RBM20: variants seen among roughly 807,000 people sequenced by gnomAD.
RBM20 encodes RNA binding motif protein 20, also known as RNA-binding protein 20.
RBM20 carries 51 observed loss-of-function variants against 110.1 expected under a neutral mutation model. The ratio of observed to expected loss-of-function variants is 0.46; its 90% CI spans 0.37 to 0.59. The LOEUF (loss-of-function observed/expected upper bound fraction) is 0.59. Among genes scored for constraint, RBM20 ranks in the 20% least tolerant of loss-of-function variants. The pLI is 0.00. For missense variants in RBM20, 1,512 were observed against 1,574.9 expected (o/e 0.96, Z 0.68); for synonymous variants, 589 against 618.2 (o/e 0.95, Z 0.70).
At chr10:110,820,411 A>G (rs561559846) in intron 10 of RBM20, among the ~76,000 whole-genome samples, 1 of 152,316 alleles carries the variant, frequency 6.6e-6, no homozygotes, top group South Asian at 2.1e-4. Flanking sequence ...ACTCTCCAGC[A>G]ATTTGGCTGT....
At chr10:110,670,927 A>G (rs1485789227) in intron 1 of RBM20, among the ~76,000 whole-genome samples, 1 of 152,204 alleles carries the variant, frequency 6.6e-6, no homozygotes, top group Non-Finnish European at 1.5e-5. Context: ...ATGGTTTTAC[A>G]TTCTATTTTC....
chr10:110,780,843 C>A lies in RBM20; in HGVS notation c.234C>A (p.Asn78Lys), dbSNP rs1844328307. ...LLDKNPFSVS[N>K]PNPLLPSPAS... The stretch of plus-strand genomic sequence containing the variant: ...ACAAGAACCCATTCTCGGTCAGTAA[C>A]CCGAACCCTCTGCTTCCTTCACCTG... The change falls in exon 2 of 14, where the codon AAC becomes AAA. Residue 78 changes from asparagine (N) to lysine (K), a missense_variant. Asn to Lys is a moderately conservative substitution (Grantham distance 94). Coordinates refer to ENST00000369519, the MANE Select transcript of RBM20 (RefSeq NM_001134363.3). 1 of 1,544,960 alleles carries A rather than the reference C, an allele frequency of 6.5e-7. No individual in the cohort carries two copies. Among genetic ancestry groups the A allele is most frequent in the African/African-American group, 1.4e-5 (1 of 72,914 alleles).
intron 1 of RBM20, among the ~76,000 whole-genome samples, chr10:110,772,411 C>T (rs1057152863): frequency 6.6e-6 from 1 of 152,134 alleles, no homozygotes; most frequent in Non-Finnish European, 1.5e-5. Context: ...AGTCGCGGGT[C>T]GCATAATGAT....
chr10:110,831,516 T>TATCCA, intron 13 of RBM20: 1 of 198,936 alleles, frequency 5.0e-6, no homozygotes, highest in South Asian at 1.1e-4. Flanking sequence ...GCTTTGGCAA[T>TATCCA]ATCCACCTCT....
At chr10:110,665,995 A>AGAG (rs1862169872) in intron 1 of RBM20, among the ~76,000 whole-genome samples, 2 of 145,376 alleles carry the variant, frequency 1.4e-5, no homozygotes, top group Admixed American at 1.4e-4. Flanking sequence ...CAAAGAAAGA[A>AGAG]AGAGAGAGAG....
intron 7 of RBM20, among the ~76,000 whole-genome samples, chr10:110,809,301 C>T (rs1338792676): frequency 6.9e-6 from 1 of 143,934 alleles, no homozygotes. Context: ...TAATAAAACT[C>T]ATTATCAAAA....
In RBM20 at chr10:110,797,586, A is replaced by G. The variant is rs869025505; in HGVS notation, c.1606A>G (p.Ile536Val). The G allele has an allele frequency of 1.3e-6, 2 of 1,551,788 alleles. No homozygotes were observed. Among genetic ancestry groups the G allele is most frequent in the South Asian group, 1.2e-5 (1 of 84,060 alleles). ...PEGSCTENDV[I>V]NLGLPFGKVT... The stretch of plus-strand genomic sequence containing the variant: ...AGGAAGCTGCACTGAGAATGACGTC[A>G]TTAACCTGGGGCTGCCCTTTGGAAA... The change falls in exon 6 of 14, where the codon ATT becomes GTT. Residue 536 changes from isoleucine to valine, a missense_variant. By Grantham distance (29) the Ile-to-Val change is conservative. Coordinates refer to ENST00000369519, the MANE Select transcript of RBM20 (RefSeq NM_001134363.3).
chr10:110,680,485 C>T (rs1289983824), intron 1 of RBM20, among the ~76,000 whole-genome samples: 1 of 152,178 alleles, frequency 6.6e-6, no homozygotes, highest in Non-Finnish European at 1.5e-5. Flanking sequence ...GTAGGAGCCT[C>T]CTTCTCCAAG....
At chr10:110,720,295 A>G (rs570210303) in intron 1 of RBM20, among the ~76,000 whole-genome samples, 15 of 152,126 alleles carry the variant, frequency 9.9e-5, no homozygotes, top group Non-Finnish European at 2.1e-4. Context: ...AGGTTGGCAC[A>G]ATGTCTGGGA....
At chr10:110,806,266 T>TG (rs1258047898) in intron 7 of RBM20, among the ~76,000 whole-genome samples, 1 of 99,902 alleles carries the variant, frequency 1.0e-5, no homozygotes, top group East Asian at 3.7e-4. Context: ...AGACTCCGTC[T>TG]CAAAAAAAAA....
At chr10:110,802,793 G>A (rs1049814385) in intron 7 of RBM20, among the ~76,000 whole-genome samples, 3 of 152,224 alleles carry the variant, frequency 2.0e-5, no homozygotes, top group African/African-American at 4.8e-5. Flanking sequence ...GCTCAGTCTG[G>A]TGGGAGAAAA....
At chr10:110,822,031 T>A in intron 11 of RBM20, 96 bp downstream of exon 11, 1 of 1,249,612 alleles carries the variant, frequency 8.0e-7, no homozygotes, top group Non-Finnish European at 1.1e-6. Context: ...TGAACATAAG[T>A]AAGGTTTCAA....
At chr10:110,832,527 A>G (rs1391700168) in intron 13 of RBM20, among the ~76,000 whole-genome samples, 1 of 151,896 alleles carries the variant, frequency 6.6e-6, no homozygotes, top group Non-Finnish European at 1.5e-5. Context: ...TCAAATGTGC[A>G]CCCCTAGTTA....
chr10:110,707,242 C>T (rs1862853936), intron 1 of RBM20, among the ~76,000 whole-genome samples: 1 of 152,120 alleles, frequency 6.6e-6, no homozygotes, highest in Admixed American at 6.6e-5. Flanking sequence ...AAAAACATCT[C>T]ATGTTGTAAA....
At chr10:110,645,392 A>T (rs1861854726) in intron 1 of RBM20, among the ~76,000 whole-genome samples, 1 of 152,196 alleles carries the variant, frequency 6.6e-6, no homozygotes, top group South Asian at 2.1e-4. Flanking sequence ...TGACCGTTTA[A>T]GGCCTAGAAT....
chr10:110,801,743 C>T (rs1016862596), intron 7 of RBM20, among the ~76,000 whole-genome samples: 12 of 124,364 alleles, frequency 9.6e-5, no homozygotes, highest in Admixed American at 2.8e-4. Context: ...GACAGGGTTT[C>T]GCCATATTGG....
intron 1 of RBM20, among the ~76,000 whole-genome samples, chr10:110,722,523 T>G (rs1843520548): frequency 6.6e-6 from 1 of 152,250 alleles, no homozygotes; most frequent in Non-Finnish European, 1.5e-5. Context: ...CATTATAATA[T>G]CCTACAGAGT....
chr10:110,829,955 C>T (rs1845028319), intron 12 of RBM20, among the ~76,000 whole-genome samples: 3 of 152,228 alleles, frequency 2.0e-5, no homozygotes, highest in Non-Finnish European at 4.4e-5. Flanking sequence ...CCAAGCATCA[C>T]CCCTCTTTCT....
chr10:110,686,387 C>T (rs1862505453), intron 1 of RBM20, among the ~76,000 whole-genome samples: 1 of 151,992 alleles, frequency 6.6e-6, no homozygotes. Context: ...TCCCCCGATC[C>T]CACCCCCACA....
Sources: gnomAD v4.1 joint callset for allele counts (sites outside exome capture counted in the v4.1 genomes callset) on GRCh38, gnomAD v4.1.1 for gene constraint, MANE v1.5 for transcripts, NCBI Gene and HGNC (gene_info 2026-07-23, HGNC 2026-07-21) for gene names.